CYP2C19: variants seen among roughly 807,000 people sequenced by gnomAD.
CYP2C19 encodes cytochrome P450 family 2 subfamily C member 19.
A neutral mutation model predicts 40.9 loss-of-function variants in CYP2C19; 59 were observed. The observed-to-expected ratio is 1.44, with a 90% CI of 1.17 to 1.79. The LOEUF (loss-of-function observed/expected upper bound fraction) is 1.79, where lower values mean the gene tolerates loss of function less well. CYP2C19 is among the 40% of genes most tolerant of loss of function. The pLI is 0.00. For synonymous variants in CYP2C19, 253 were observed against 208.7 expected (o/e 1.21, Z -1.83); for missense variants, 754 against 596.9 (o/e 1.26, Z -2.74).
intron 6 of CYP2C19, among the ~76,000 whole-genome samples, chr10:94,823,550 T>C (rs967913521): frequency 2.0e-5 from 3 of 152,144 alleles, no homozygotes; most frequent in Admixed American, 2.0e-4. Context: ...ATCTTCAATG[T>C]CTAACAGAGT....
chr10:94,820,727 GT>G, intron 6 of CYP2C19, 90 bp downstream of exon 6: 1 of 1,519,778 alleles, frequency 6.6e-7, no homozygotes. Flanking sequence ...TCTTAGAGAA[GT>G]TCCATTATTT....
chr10:94,840,864 A>T (rs561068429), intron 6 of CYP2C19, among the ~76,000 whole-genome samples: 3 of 152,338 alleles, frequency 2.0e-5, no homozygotes, highest in Non-Finnish European at 2.9e-5. Flanking sequence ...CTGAGTCTTC[A>T]GTCTGGTGGC....
intron 6 of CYP2C19, among the ~76,000 whole-genome samples, chr10:94,824,567 C>T (rs532076522): frequency 1.3e-5 from 2 of 152,052 alleles, no homozygotes; most frequent in Non-Finnish European, 2.9e-5. Context: ...AATGTTTAAA[C>T]GTGTTATTTT....
chr10:94,801,936 G>T (rs1254970124), intron 5 of CYP2C19, among the ~76,000 whole-genome samples: 1 of 152,202 alleles, frequency 6.6e-6, no homozygotes, highest in Non-Finnish European at 1.5e-5. Context: ...GACCAAAAAA[G>T]TGAGTAGCAG....
At chr10:94,839,904 G>C (rs1849465862) in intron 6 of CYP2C19, among the ~76,000 whole-genome samples, 1 of 152,182 alleles carries the variant, frequency 6.6e-6, no homozygotes, top group African/African-American at 2.4e-5. Context: ...AATTATCAGA[G>C]GTTGGAGTTA....
chr10:94,853,333 G>T lies in CYP2C19; in HGVS notation c.*419G>T, dbSNP rs1849683569. ...ATTAAAGAAAATAGAGTTCCAGGAG[G>T]CCATGCTGGTTCTCAAAACGATAAG... is the stretch of plus-strand genomic sequence containing the variant. On this transcript the variant is annotated 3_prime_UTR_variant, in exon 9 of 9. Coordinates refer to ENST00000371321, the MANE Select transcript of CYP2C19 (RefSeq NM_000769.4). 2 of 400,058 alleles carry T rather than the reference G, an allele frequency of 5.0e-6. No individual in the cohort carries two copies. The highest frequency in any genetic ancestry group is 7.5e-5 in the Admixed American group (2 of 26,558). The allele number at this position is 400,058 out of a possible 1,614,324, so 24.8% of individuals were successfully genotyped here.
intron 6 of CYP2C19, among the ~76,000 whole-genome samples, chr10:94,829,130 C>A (rs540962554): frequency 6.6e-6 from 1 of 152,136 alleles, no homozygotes; most frequent in Non-Finnish European, 1.5e-5. Context: ...GTGAAACTGA[C>A]AATTATGTGT....
chr10:94,841,415 C>T (rs991644627), intron 6 of CYP2C19, among the ~76,000 whole-genome samples: 5 of 152,074 alleles, frequency 3.3e-5, no homozygotes, highest in African/African-American at 2.4e-5. Context: ...TGGTGGACGG[C>T]GAGTGAAAGC....
chr10:94,775,140 A>C lies in CYP2C19; in HGVS notation c.251A>C (p.Lys84Thr), dbSNP rs1848389182. The change falls in exon 2 of 9, where the codon AAG (lysine) becomes ACG (threonine). Residue 84 changes from lysine (K) to threonine (T), a missense_variant. By Grantham distance (78) the Lys-to-Thr change is moderately conservative (BLOSUM62 -1). Coordinates refer to ENST00000371321, the MANE Select transcript of CYP2C19 (RefSeq NM_000769.4). ...GTGCTGCATGGATATGAAGTGGTGAAGGAAGCCCTGATTGATCTTGGAGAG... is the reference window on the plus strand; with the variant it reads ...GTGCTGCATGGATATGAAGTGGTGACGGAAGCCCTGATTGATCTTGGAGAG... ...MVVLHGYEVV[K>T]EALIDLGEEF... 6.2e-7 allele frequency: 1 copy of C among 1,614,124 alleles called. No individual in the cohort carries two copies. Among genetic ancestry groups the C allele is most frequent in the Non-Finnish European group, 8.5e-7 (1 of 1,180,018 alleles).
chr10:94,842,703 C>T, intron 6 of CYP2C19, 134 bp from the exon 7 acceptor site: 1 of 1,010,902 alleles, frequency 9.9e-7, no homozygotes, highest in East Asian at 2.5e-5. Flanking sequence ...TTAAGTTACA[C>T]ATACTTCCAG....
At chr10:94,790,083 G>T (rs571260430) in intron 5 of CYP2C19, among the ~76,000 whole-genome samples, 5 of 151,964 alleles carry the variant, frequency 3.3e-5, no homozygotes, top group Non-Finnish European at 7.4e-5. Context: ...TGGATTCCTA[G>T]GTATTTTATT....
At chr10:94,791,546 A>G (rs1166324695) in intron 5 of CYP2C19, among the ~76,000 whole-genome samples, 1 of 152,192 alleles carries the variant, frequency 6.6e-6, no homozygotes, top group Non-Finnish European at 1.5e-5. Context: ...AATGTGTCCC[A>G]GAAATTCTGG....
chr10:94,846,876 C>T (rs181945626), intron 7 of CYP2C19, among the ~76,000 whole-genome samples: 38 of 151,610 alleles, frequency 2.5e-4, no homozygotes, highest in Non-Finnish European at 5.2e-4. Flanking sequence ...ATATCTCTCC[C>T]GTATCTTTAA....
Position 94,850,979 on chromosome 10 carries a change from G to A in CYP2C19, c.1291+921G>A, listed in dbSNP as rs72816685. Among the ~76,000 whole-genome samples, 1,110 of 152,240 alleles carry A rather than the reference G, an allele frequency of 7.3e-3. 5 individuals carry two copies. Among genetic ancestry groups the A allele is most frequent in the South Asian group, 0.027 (128 of 4,820 alleles). On this transcript the variant is annotated intron_variant, in intron 8 of 8. Transcript: ENST00000371321. ...CCTTCCTTTTTCTGTGACCTTTGAT[G>A]TCTGCTTTATATGTGGCACTGTAGA...
intron 7 of CYP2C19, among the ~76,000 whole-genome samples, chr10:94,846,672 CTATTTATT>C (rs543613017): frequency 2.0e-5 from 3 of 151,612 alleles, no homozygotes; most frequent in Non-Finnish European, 4.4e-5. Context: ...CTATTAGAAT[CTATTTATT>C]TATTTATTTA....
At chr10:94,816,478 T>C (rs1167291300) in intron 5 of CYP2C19, among the ~76,000 whole-genome samples, 1 of 152,168 alleles carries the variant, frequency 6.6e-6, no homozygotes, top group Non-Finnish European at 1.5e-5. Context: ...AGGCTATTTA[T>C]AACTCCATGC....
At chr10:94,784,182 C>T (rs1848512535) in intron 5 of CYP2C19, among the ~76,000 whole-genome samples, 1 of 152,084 alleles carries the variant, frequency 6.6e-6, no homozygotes, top group South Asian at 2.1e-4. Context: ...GGTCCTTACA[C>T]TTACAATGTT....
At position 94,853,090 on chromosome 10, in the gene CYP2C19, C is replaced by T; in HGVS notation, c.*176C>T. 4.7e-6 allele frequency: 3 copies of T among 641,412 alleles called. No homozygotes were observed. Among genetic ancestry groups the T allele is most frequent in the South Asian group, 2.0e-5 (1 of 50,398 alleles). The allele number at this position is 641,412 out of a possible 1,614,324, so 39.7% of individuals were successfully genotyped here. A position where few individuals can be genotyped will look rare whatever the true frequency, so the allele number is the denominator to read the frequency against. On this transcript the variant is annotated 3_prime_UTR_variant, in exon 9 of 9. Coordinates refer to ENST00000371321, the MANE Select transcript of CYP2C19 (RefSeq NM_000769.4). ...AAGTTTCACTGTGCAAATATATCTG[C>T]TATTCCCCATACTCTATAATAGTTA...
At chr10:94,767,993 C>T (rs557542060) in intron 1 of CYP2C19, among the ~76,000 whole-genome samples, 1 of 152,234 alleles carries the variant, frequency 6.6e-6, no homozygotes, top group African/African-American at 2.4e-5. Flanking sequence ...GCCTTTTCTC[C>T]TTCACCTTTC....
Sources: gnomAD v4.1 joint callset for allele counts (sites outside exome capture counted in the v4.1 genomes callset) on GRCh38, gnomAD v4.1.1 for gene constraint, MANE v1.5 for transcripts, NCBI Gene and HGNC (gene_info 2026-07-23, HGNC 2026-07-21) for gene names.